The following NCKAP5 variants were observed in gnomAD, a reference collection of about 807,000 sequenced individuals.
NCKAP5 encodes nck-associated protein 5.
A neutral mutation model predicts 167.0 loss-of-function variants in NCKAP5; 92 were observed. The ratio of observed to expected loss-of-function variants is 0.55; its 90% CI spans 0.47 to 0.66. NCKAP5 has a LOEUF of 0.66. Among genes scored for constraint, NCKAP5 ranks in the 30% least tolerant of loss-of-function variants. NCKAP5 has a pLI of 0.00. For missense variants in NCKAP5, 2,378 were observed against 2,315.0 expected (o/e 1.03, Z -0.56); for synonymous variants, 891 against 877.4 (o/e 1.02, Z -0.27).
rs76025687 is a variant in NCKAP5, at chr2:132,892,997, GAAAA to G, written c.580-14085_580-14082del. On this transcript the variant is annotated intron_variant, in intron 8 of 19. Coordinates refer to ENST00000409261, the MANE Select transcript of NCKAP5 (RefSeq NM_207363.3). Reference sequence around the variant, plus strand: ...TTGACCTCTGATCTATAAAAAAGCTGAAAAAAAAAAAAAAAAAACCAGAAAGGAA... The same window carrying G: ...TTGACCTCTGATCTATAAAAAAGCTGAAAAAAAAAAAAAACCAGAAAGGAA... Among the ~76,000 whole-genome samples the G allele has an allele frequency of 5.6e-4, 60 of 107,670 alleles. 1 individual carries two copies. Among genetic ancestry groups the G allele is most frequent in the African/African-American group, 1.8e-3 (59 of 32,178 alleles). 70.6% of individuals were successfully genotyped at this position (107,670 alleles called of 152,430 possible).
In NCKAP5 at chr2:133,161,845, CCA is replaced by C. The variant is rs2083807162; in HGVS notation, c.208-31736_208-31735del. Among the ~76,000 whole-genome samples the C allele has an allele frequency of 4.6e-5, 7 of 152,248 alleles. No homozygotes were observed. The South Asian group carries it at 1.4e-3, about 32-fold the overall frequency. ...CAGAAAGACATGAGGTATATAGGGC[CCA>C]GAACTGTCCACAAAGACATCTTCTC... On this transcript the variant is annotated intron_variant, in intron 5 of 19. Coordinates refer to ENST00000409261, the MANE Select transcript of NCKAP5 (RefSeq NM_207363.3).
At chr2:133,144,981 A>G (rs902099711) in intron 5 of NCKAP5, among the ~76,000 whole-genome samples, 5 of 152,146 alleles carry the variant, frequency 3.3e-5, no homozygotes, top group African/African-American at 9.7e-5. Context: ...ATATACATAC[A>G]GGTAGATGAT....
Position 132,766,964 on chromosome 2 carries a change from TAAG to T in NCKAP5, c.5128+6849_5128+6851del, listed in dbSNP as rs1681551262. ...TTTATGGTTGGATGATAAACGCTTA[TAAG>T]AACAACGTCTGTGTTACCAGAATGG... On this transcript the variant is annotated intron_variant, in intron 16 of 19. Coordinates refer to ENST00000409261, the MANE Select transcript of NCKAP5 (RefSeq NM_207363.3). 1.3e-5 allele frequency among the ~76,000 whole-genome samples: 2 copies of T among 152,216 alleles called. 1 individual carries two copies. Among genetic ancestry groups the T allele is most frequent in the Non-Finnish European group, 2.9e-5 (2 of 68,038 alleles).
the NCKAP5 span, among the ~76,000 whole-genome samples, chr2:133,589,841 TGAAAA>T: frequency 6.6e-6 from 1 of 152,182 alleles, no homozygotes; most frequent in African/African-American, 2.4e-5. Context: ...GATGTTTCGA[TGAAAA>T]GAAGAGACTT....
At chr2:133,024,998 G>C (rs59115630) in intron 6 of NCKAP5, among the ~76,000 whole-genome samples, 77,767 of 152,012 alleles carry the variant, frequency 0.51, 20,148 homozygotes, top group Non-Finnish European at 0.55. Context: ...TCGTATAGTT[G>C]TCTACTATTT....
intron 11 of NCKAP5, among the ~76,000 whole-genome samples, chr2:132,805,007 A>G (rs1004304649): frequency 6.6e-6 from 1 of 152,058 alleles, no homozygotes; most frequent in African/African-American, 2.4e-5. Context: ...CTAAATGTTA[A>G]GCCCACAATT....
At chr2:133,465,835 C>T (rs200043616) in intron 3 of NCKAP5, among the ~76,000 whole-genome samples, 35,968 of 142,836 alleles carry the variant, frequency 0.25, 4,467 homozygotes, top group East Asian at 0.38. Context: ...TCATGTCCTT[C>T]GCCCACTTTT....
chr2:132,720,356 T>A (rs1485982135), intron 19 of NCKAP5, among the ~76,000 whole-genome samples: 1 of 152,192 alleles, frequency 6.6e-6, no homozygotes, highest in Non-Finnish European at 1.5e-5. Flanking sequence ...TTCTAAACAT[T>A]TTTCAGAGTG....
chr2:133,445,383 TC>T (rs2151179160), intron 3 of NCKAP5, among the ~76,000 whole-genome samples: 1 of 152,330 alleles, frequency 6.6e-6, no homozygotes, highest in Admixed American at 6.5e-5. Context: ...TCAAAAGACT[TC>T]CCATATATAT....
rs181722089 is a variant in NCKAP5, at chr2:133,036,782, C to T, written c.342-42543G>A. Among the ~76,000 whole-genome samples the T allele has an allele frequency of 2.7e-4, 41 of 152,056 alleles. 1 individual carries two copies. The East Asian group carries it at 3.1e-3, about 11-fold the overall frequency. On this transcript the variant is annotated intron_variant, in intron 6 of 19. Transcript: ENST00000409261. ...ACATGACAAGGATACTCACTGCCAC[C>T]GCTGTTATTCACCATAGTATTAGAA...
intron 19 of NCKAP5, among the ~76,000 whole-genome samples, chr2:132,690,747 G>A (rs1279787762): frequency 6.6e-6 from 1 of 152,144 alleles, no homozygotes; most frequent in Admixed American, 6.6e-5. Context: ...GGAAGCAATA[G>A]CAGAAGGCAG....
At chr2:133,298,433 C>A (rs185863990) in intron 4 of NCKAP5, among the ~76,000 whole-genome samples, 1 of 152,258 alleles carries the variant, frequency 6.6e-6, no homozygotes, top group East Asian at 1.9e-4. Flanking sequence ...ATAGAAGTAA[C>A]TGTACAGAAA....
chr2:133,116,613 G>T (rs1031817947), intron 6 of NCKAP5, among the ~76,000 whole-genome samples: 2 of 151,772 alleles, frequency 1.3e-5, no homozygotes, highest in African/African-American at 4.8e-5. Flanking sequence ...TAGTAAAACG[G>T]TATATATCTA....
intron 5 of NCKAP5, among the ~76,000 whole-genome samples, chr2:133,152,555 T>C (rs1168764500): frequency 6.6e-6 from 1 of 152,194 alleles, no homozygotes; most frequent in Non-Finnish European, 1.5e-5. Context: ...CCCATTCAGA[T>C]GAATGAATAA....
At chr2:133,611,815 T>C in the NCKAP5 span, among the ~76,000 whole-genome samples, 1 of 152,308 alleles carries the variant, frequency 6.6e-6, no homozygotes, top group East Asian at 1.9e-4. Flanking sequence ...AAGTGACGAA[T>C]CTTCTCTTTT....
chr2:133,602,146 G>T, the NCKAP5 span, among the ~76,000 whole-genome samples: 1 of 152,164 alleles, frequency 6.6e-6, no homozygotes, highest in Non-Finnish European at 1.5e-5. Flanking sequence ...GATGCTGCTG[G>T]GAACCCAAAG....
chr2:133,160,433 C>CTT (rs869057265), intron 5 of NCKAP5, among the ~76,000 whole-genome samples: 3 of 100,860 alleles, frequency 3.0e-5, no homozygotes, highest in African/African-American at 1.4e-4. Context: ...CTTTTCCTTT[C>CTT]TTTTTCTTTT....
the NCKAP5 span, among the ~76,000 whole-genome samples, chr2:133,615,254 T>G: frequency 0.14 from 21,263 of 149,922 alleles, 1,960 homozygotes; most frequent in South Asian, 0.18. Context: ...ATGAGCAAAA[T>G]AACCAGCTAA....
the NCKAP5 span, among the ~76,000 whole-genome samples, chr2:133,593,635 T>C: frequency 6.6e-6 from 1 of 152,246 alleles, no homozygotes; most frequent in Non-Finnish European, 1.5e-5. Context: ...TCTAGTTCAG[T>C]TGGCCACTTT....
Sources: gnomAD v4.1 joint callset for allele counts (sites outside exome capture counted in the v4.1 genomes callset) on GRCh38, gnomAD v4.1.1 for gene constraint, MANE v1.5 for transcripts, NCBI Gene and HGNC (gene_info 2026-07-23, HGNC 2026-07-21) for gene names.